Variants in ZBED3 observed in about 807,000 individuals in gnomAD.
ZBED3 encodes the protein zinc finger BED-type containing 3.
For missense variants in ZBED3, 388 were observed against 362.9 expected, an observed-to-expected ratio of 1.07 and a Z score of -0.56; for synonymous variants, 175 against 180.0, an observed-to-expected ratio of 0.97 and a Z score of 0.22.
At position 77,077,531 on chromosome 5, in the gene ZBED3, C is replaced by A; in HGVS notation, c.348G>T (p.Pro116=). ...AGSSPPAAPC[P]PPPGPAAAPE... ...GGGCCGCAGCGGGGCCGGGCGGCGG[C>A]GGGCAGGGCGCGGCAGGTGGGGAGC... is the stretch of plus-strand genomic sequence containing the variant. Residue 116 remains proline (P), a synonymous_variant, in exon 3 of 3, where the codon CCG becomes CCT. Transcript: ENST00000255198. 2.5e-6 allele frequency: 3 copies of A among 1,211,372 alleles called. No individual in the cohort carries two copies. The highest frequency in any genetic ancestry group is 3.1e-6 in the Non-Finnish European group (3 of 977,880). 75.0% of individuals were successfully genotyped at this position (1,211,372 alleles called of 1,614,324 possible).
In ZBED3 at chr5:77,077,218, CG is replaced by C; in HGVS notation, c.660del (p.Glu221ArgfsTer58). On this transcript the variant is annotated frameshift_variant, in exon 3 of 3. Transcript: ENST00000255198. LOFTEE classifies it low-confidence loss of function (END_TRUNC). Reference sequence around the variant, plus strand: ...ATGACGCAGCCGTCCCTGTCACCCTCGGGGTCGTCCTTGAGCGGCGGCGGCG... The same window carrying C: ...ATGACGCAGCCGTCCCTGTCACCCTCGGGTCGTCCTTGAGCGGCGGCGGCG... ...PAAPPPLKDDPEGDRDGCVIT... is the reference protein window; with the variant it reads ...PAAPPPLKDDXEGDRDGCVIT... 6.7e-7 allele frequency: 1 copy of C among 1,499,432 alleles called. No homozygotes were observed. Among genetic ancestry groups the C allele is most frequent in the Non-Finnish European group, 8.8e-7 (1 of 1,130,332 alleles). The allele number at this position is 1,499,432 out of a possible 1,614,324, so 92.9% of individuals were successfully genotyped here.
At chr5:77,084,824 A>G (rs1396266818) in intron 1 of ZBED3, among the ~76,000 whole-genome samples, 1 of 152,192 alleles carries the variant, frequency 6.6e-6, no homozygotes, top group Non-Finnish European at 1.5e-5. Flanking sequence ...GACTCTAATG[A>G]AGTTCCAGTT....
chr5:77,077,731 C>T lies in ZBED3; in HGVS notation c.148G>A (p.Gly50Ser). 5 of 1,354,960 alleles carry T rather than the reference C, an allele frequency of 3.7e-6. No homozygotes were observed. The highest frequency in any genetic ancestry group is 3.1e-5 in the East Asian group (1 of 32,110). The allele number at this position is 1,354,960 out of a possible 1,614,324, so 83.9% of individuals were successfully genotyped here. Residue 50 changes from glycine (G) to serine (S), a missense_variant, in exon 3 of 3, where the codon GGC becomes AGC. Transcript: ENST00000255198. ...RLGAPYSEAW[G>S]YFHLAPGRPG... Reference sequence around the variant, plus strand: ...CGCCCCGGCGCCAGGTGGAAGTAGCCCCAGGCCTCGGAGTATGGCGCCCCC... The same window carrying T: ...CGCCCCGGCGCCAGGTGGAAGTAGCTCCAGGCCTCGGAGTATGGCGCCCCC...
chr5:77,077,866 C>G lies in ZBED3; in HGVS notation c.13G>C (p.Glu5Gln). Residue 5 changes from glutamate (E) to glutamine (Q), a missense_variant, in exon 3 of 3, where the codon GAG becomes CAG. Physicochemically the swap from Glu to Gln is conservative, Grantham distance 29 (BLOSUM62 2). Transcript: ENST00000255198. ...GCCTGGTCCATGGTGCAGGCCGGCTCGCCACTCCTCATTCTGCGGCGCCCG... is the reference window on the plus strand; with the variant it reads ...GCCTGGTCCATGGTGCAGGCCGGCTGGCCACTCCTCATTCTGCGGCGCCCG... MRSGEPACTMDQARG... is the reference protein window; with the variant it reads MRSGQPACTMDQARG... The G allele has an allele frequency of 7.9e-7, 1 of 1,258,914 alleles. No individual in the cohort carries two copies. Among genetic ancestry groups the G allele is most frequent in the Non-Finnish European group, 1.0e-6 (1 of 1,004,738 alleles). The allele number at this position is 1,258,914 out of a possible 1,614,324, so 78.0% of individuals were successfully genotyped here.
At position 77,077,626 on chromosome 5, in the gene ZBED3, C is replaced by G; in HGVS notation, c.253G>C (p.Gly85Arg). Residue 85 changes from glycine (G) to arginine (R), a missense_variant, in exon 3 of 3, where the codon GGG becomes CGG. Gly to Arg is a moderately radical substitution (Grantham distance 125). Coordinates refer to ENST00000255198, the MANE Select transcript of ZBED3 (RefSeq NM_032367.4). ...QVGRGPGFHAGTSALWRHLRS... is the reference protein window; with the variant it reads ...QVGRGPGFHARTSALWRHLRS... ...AGGTGCCTCCACAACGCCGAGGTCC[C>G]CGCGTGGAAGCCCGGGCCGCGGCCC... 1 of 1,412,224 alleles carries G rather than the reference C, an allele frequency of 7.1e-7. No individual in the cohort carries two copies. The highest frequency in any genetic ancestry group is 3.1e-5 in the East Asian group (1 of 32,086). The allele number at this position is 1,412,224 out of a possible 1,614,324, so 87.5% of individuals were successfully genotyped here. A position where few individuals can be genotyped will look rare whatever the true frequency, so the allele number is the denominator to read the frequency against.
intron 1 of ZBED3, among the ~76,000 whole-genome samples, chr5:77,079,955 A>T (rs1353284239): frequency 2.0e-5 from 3 of 151,998 alleles, no homozygotes; most frequent in African/African-American, 7.2e-5. Flanking sequence ...TTTCTTTTTT[A>T]AAATTTCTAT....
chr5:77,075,953 ATATATATATATATGTATATGTATATATG>A lies in ZBED3; in HGVS notation c.*1193_*1220del, dbSNP rs1742971963. 2.9e-5 allele frequency: 1 copy of A among 34,340 alleles called. No homozygotes were observed. Among genetic ancestry groups the A allele is most frequent in the African/African-American group, 9.9e-5 (1 of 10,108 alleles). 2.1% of individuals were successfully genotyped at this position (34,340 alleles called of 1,614,324 possible). ...TAAAGTATTATATATACATATATAT[ATATATATATATATGTATATGTATATATG>A]TATATATATATGTATATATGTATAT... On this transcript the variant is annotated 3_prime_UTR_variant, in exon 3 of 3. Coordinates refer to ENST00000255198, the MANE Select transcript of ZBED3 (RefSeq NM_032367.4).
intron 1 of ZBED3, chr5:77,080,531 G>A (rs756679785): frequency 1.5e-5 from 8 of 519,066 alleles, no homozygotes; most frequent in South Asian, 8.4e-5. Context: ...ACCGGTGGAA[G>A]GCAGCACGGG....
At chr5:77,081,402 A>G (rs1743127922) in intron 1 of ZBED3, among the ~76,000 whole-genome samples, 2 of 148,926 alleles carry the variant, frequency 1.3e-5, no homozygotes, top group South Asian at 4.2e-4. Context: ...GCTGGAGTGC[A>G]GTGGCACAAT....
intron 1 of ZBED3, chr5:77,079,281 G>GT (rs1361558463): frequency 6.6e-6 from 1 of 152,206 alleles, no homozygotes; most frequent in Non-Finnish European, 1.5e-5. Flanking sequence ...TGAGACCCAG[G>GT]CACAGTGAGA....
rs1184617265 is a variant in ZBED3 at position 77,077,707 on chromosome 5, GC to G, written c.171del (p.Arg58AlafsTer36). 2.2e-6 allele frequency: 3 copies of G among 1,345,372 alleles called. No homozygotes were observed. The highest frequency in any genetic ancestry group is 1.9e-6 in the Non-Finnish European group (2 of 1,053,490). The allele number at this position is 1,345,372 out of a possible 1,614,324, so 83.3% of individuals were successfully genotyped here. A position where few individuals can be genotyped will look rare whatever the true frequency, so the allele number is the denominator to read the frequency against. ...EAWGYFHLAP[G>X]RPGHPSGHWA... ...CAGTGGCCCGACGGATGCCCGGGGC[GC>G]CCCGGCGCCAGGTGGAAGTAGCCCC... On this transcript the variant is annotated frameshift_variant, in exon 3 of 3. Transcript: ENST00000255198. LOFTEE classifies it low-confidence loss of function (END_TRUNC).
intron 1 of ZBED3, among the ~76,000 whole-genome samples, chr5:77,082,536 C>G (rs984668459): frequency 6.6e-6 from 1 of 152,078 alleles, no homozygotes; most frequent in Non-Finnish European, 1.5e-5. Flanking sequence ...CAATGTCTTA[C>G]AAGGATATCT....
At chr5:77,081,079 C>G (rs1025741382) in intron 1 of ZBED3, among the ~76,000 whole-genome samples, 1 of 152,046 alleles carries the variant, frequency 6.6e-6, no homozygotes, top group Non-Finnish European at 1.5e-5. Flanking sequence ...GAAAAACAGA[C>G]GAGAAATATG....
At chr5:77,077,955 A>G in intron 2 of ZBED3, 60 bp from the exon 3 acceptor site, 3 of 1,160,086 alleles carry the variant, frequency 2.6e-6, no homozygotes, top group Non-Finnish European at 3.2e-6. Flanking sequence ...CTCCTAGACT[A>G]CAGTTAGCCT....
In ZBED3 at chr5:77,077,678, G is replaced by A; in HGVS notation, c.201C>T (p.Ala67=). 7.3e-7 allele frequency: 1 copy of A among 1,370,796 alleles called. No homozygotes were observed. The allele number at this position is 1,370,796 out of a possible 1,614,324, so 84.9% of individuals were successfully genotyped here. A position where few individuals can be genotyped will look rare whatever the true frequency, so the allele number is the denominator to read the frequency against. Residue 67 remains alanine, a synonymous_variant, in exon 3 of 3, where the codon GCC becomes GCT. Transcript: ENST00000255198. ...CCTGCTCCCCGCACAGACGGCAGGT[G>A]GCCCAGTGGCCCGACGGATGCCCGG... ...GRPGHPSGHW[A]TCRLCGEQVG... is the part of the protein sequence containing the mutation.
Position 77,077,910 on chromosome 5 carries a change from A to G in ZBED3, c.-17-15T>C. ...GCGCCCGCACGCTGGGGAGCAGGGG[A>G]AGAATAATAATGAGTGTTAGGATCA... On this transcript the variant is annotated splice_polypyrimidine_tract_variant and intron_variant, in intron 2 of 2. Transcript: ENST00000255198. 1.6e-6 allele frequency: 2 copies of G among 1,246,542 alleles called. No individual in the cohort carries two copies. Among genetic ancestry groups the G allele is most frequent in the South Asian group, 6.8e-5 (2 of 29,388 alleles). 77.2% of individuals were successfully genotyped at this position (1,246,542 alleles called of 1,614,324 possible). A position where few individuals can be genotyped will look rare whatever the true frequency, so the allele number is the denominator to read the frequency against.
intron 1 of ZBED3, among the ~76,000 whole-genome samples, chr5:77,083,941 C>G (rs1403025201): frequency 6.6e-6 from 1 of 152,116 alleles, no homozygotes; most frequent in Non-Finnish European, 1.5e-5. Flanking sequence ...AATGAGAATG[C>G]ATATCATTAA....
Position 77,075,341 on chromosome 5 carries a change from G to A in ZBED3, c.*1833C>T, listed in dbSNP as rs1022487870. ...TGACTAGAGTTGAAACCAAAAGAAT[G>A]TATGAACCTTGATGGGACCTGGTTG... On this transcript the variant is annotated 3_prime_UTR_variant, in exon 3 of 3. Transcript: ENST00000255198. 1 of 152,214 alleles carries A rather than the reference G, an allele frequency of 6.6e-6. No individual in the cohort carries two copies. Among genetic ancestry groups the A allele is most frequent in the Non-Finnish European group, 1.5e-5 (1 of 68,048 alleles). 9.4% of individuals were successfully genotyped at this position (152,214 alleles called of 1,614,324 possible).
In ZBED3 at chr5:77,076,120, G is replaced by A. The variant is rs1302484840; in HGVS notation, c.*1054C>T. The A allele has an allele frequency of 3.4e-5, 5 of 149,184 alleles. No homozygotes were observed. The highest frequency in any genetic ancestry group is 7.4e-5 in the Non-Finnish European group (5 of 67,552). 9.2% of individuals were successfully genotyped at this position (149,184 alleles called of 1,614,324 possible). Reference sequence around the variant, plus strand: ...CCCAGAGTGAGGGAGTAAAAACTGGGGAGGAAGGATAGGCAGCCAGGACTT... The same window carrying A: ...CCCAGAGTGAGGGAGTAAAAACTGGAGAGGAAGGATAGGCAGCCAGGACTT... On this transcript the variant is annotated 3_prime_UTR_variant, in exon 3 of 3. Coordinates refer to ENST00000255198, the MANE Select transcript of ZBED3 (RefSeq NM_032367.4).
Sources: gnomAD v4.1 joint callset for allele counts (sites outside exome capture counted in the v4.1 genomes callset) on GRCh38, gnomAD v4.1.1 for gene constraint, MANE v1.5 for transcripts, NCBI Gene and HGNC (gene_info 2026-07-23, HGNC 2026-07-21) for gene names.